The following NEDD4L variants were observed in gnomAD, a reference collection of about 807,000 sequenced individuals.
NEDD4L encodes the protein NEDD4 like E3 ubiquitin protein ligase.
Under a neutral mutation model 148.9 loss-of-function variants are expected in NEDD4L, and 54 were observed. The observed-to-expected ratio is 0.36, with a 90% CI of 0.29 to 0.45. NEDD4L has a LOEUF of 0.45. NEDD4L is among the 20% of genes least tolerant of loss of function. NEDD4L has a pLI of 1.00. For synonymous variants in NEDD4L, 433 were observed against 440.7 expected, an observed-to-expected ratio of 0.98 and a Z score of 0.22; for missense variants, 856 against 1,233.8, an observed-to-expected ratio of 0.69 and a Z score of 4.59.
intron 1 of NEDD4L, among the ~76,000 whole-genome samples, chr18:58,140,561 A>G (rs972333303): frequency 1.3e-5 from 2 of 152,224 alleles, no homozygotes; most frequent in East Asian, 3.9e-4. Flanking sequence ...TTGTCATTTT[A>G]TAAAAATGTA....
At chr18:58,063,662 T>C (rs899237233) in intron 1 of NEDD4L, among the ~76,000 whole-genome samples, 13 of 150,034 alleles carry the variant, frequency 8.7e-5, no homozygotes, top group Non-Finnish European at 1.5e-4. Context: ...ACCTGCCGGG[T>C]TCAAGTGATT....
rs749549397 is a variant in NEDD4L, at chr18:58,347,976, A to C, written c.1576-1561A>C. Among the ~76,000 whole-genome samples, 6 of 147,896 alleles carry C rather than the reference A, an allele frequency of 4.1e-5. 1 individual carries two copies. The highest frequency in any genetic ancestry group is 2.0e-4 in the Admixed American group (3 of 14,850). On this transcript the variant is annotated intron_variant, in intron 16 of 30. Coordinates refer to ENST00000400345, the MANE Select transcript of NEDD4L (RefSeq NM_001144967.3). The stretch of plus-strand genomic sequence containing the variant: ...TTGGTTGATAGTGGTTTTTTTTTTG[A>C]GTATAAAGATATGGATTCTCCTTTT...
intron 5 of NEDD4L, among the ~76,000 whole-genome samples, chr18:58,267,314 T>C (rs536765931): frequency 1.4e-4 from 22 of 152,184 alleles, no homozygotes; most frequent in Middle Eastern, 3.4e-3. Flanking sequence ...TATTTCATAT[T>C]TTAAGATCAT....
At chr18:58,189,508 G>T (rs190188058) in intron 2 of NEDD4L, among the ~76,000 whole-genome samples, 142 of 152,326 alleles carry the variant, frequency 9.3e-4, no homozygotes, top group African/African-American at 3.3e-3. Context: ...TCTCTAGGGG[G>T]CTGTCCAAGT....
intron 2 of NEDD4L, among the ~76,000 whole-genome samples, chr18:58,180,405 T>A (rs549672276): frequency 6.6e-6 from 1 of 152,318 alleles, no homozygotes; most frequent in African/African-American, 2.4e-5. Flanking sequence ...CTGATAGGCC[T>A]TCAGCGCCGC....
rs554068320 is a variant in NEDD4L, at chr18:58,301,723, C to T, written c.298-14259C>T. On this transcript the variant is annotated intron_variant, in intron 5 of 30. Transcript: ENST00000400345. ...TTCAAGCTGTTGTCTGTGAATCGTA[C>T]GGTAGAAACATGGTGCGTATTTCTG... is the stretch of plus-strand genomic sequence containing the variant. 5.3e-5 allele frequency among the ~76,000 whole-genome samples: 8 copies of T among 152,198 alleles called. No individual in the cohort carries two copies. The South Asian group carries it at 6.2e-4, about 12-fold the overall frequency.
In NEDD4L at chr18:58,252,229, A is replaced by G. The variant is rs116223276; in HGVS notation, c.297+175A>G. On this transcript the variant is annotated intron_variant, in intron 5 of 30. Transcript: ENST00000400345. ...GTTCAAAATCCTAACAAATAGTTTTATGTTGCTAGGATAAAAAATGTATTT... is the reference window on the plus strand; with the variant it reads ...GTTCAAAATCCTAACAAATAGTTTTGTGTTGCTAGGATAAAAAATGTATTT... 7.8e-3 allele frequency among the ~76,000 whole-genome samples: 1,188 copies of G among 152,300 alleles called. 20 individuals are homozygous for G. The highest frequency in any genetic ancestry group is 0.027 in the African/African-American group (1,134 of 41,562).
chr18:58,359,708 G>A (rs115375053), intron 19 of NEDD4L, among the ~76,000 whole-genome samples: 3 of 152,116 alleles, frequency 2.0e-5, no homozygotes, highest in Non-Finnish European at 4.4e-5. Context: ...GGTTCTTACT[G>A]TGTGGTCTGC....
Position 58,044,498 on chromosome 18 carries a change from C to A in NEDD4L, c.-163C>A. ...GTGCCGGCAGCGTCCAGGGCGCGCTCTCGGGCACCCTCACCTGCCGGCGCC... is the reference window on the plus strand; with the variant it reads ...GTGCCGGCAGCGTCCAGGGCGCGCTATCGGGCACCCTCACCTGCCGGCGCC... On this transcript the variant is annotated 5_prime_UTR_variant, in exon 1 of 31. Transcript: ENST00000400345. 1 of 970,290 alleles carries A rather than the reference C, an allele frequency of 1.0e-6. No individual in the cohort carries two copies. Among genetic ancestry groups the A allele is most frequent in the African/African-American group, 1.7e-5 (1 of 58,760 alleles). The allele number at this position is 970,290 out of a possible 1,614,324, so 60.1% of individuals were successfully genotyped here. A position where few individuals can be genotyped will look rare whatever the true frequency, so the allele number is the denominator to read the frequency against.
At position 58,398,772 on chromosome 18, in the gene NEDD4L, C is replaced by T. The variant is rs1189958282; in HGVS notation, c.*2503C>T. ...GTCATAGATCTTGATTTCTCTGAAT[C>T]GTGATGACCACACCCAGTCATCTTC... On this transcript the variant is annotated 3_prime_UTR_variant, in exon 31 of 31. Transcript: ENST00000400345. 2.0e-5 allele frequency: 3 copies of T among 152,236 alleles called. No homozygotes were observed. The highest frequency in any genetic ancestry group is 4.4e-5 in the Non-Finnish European group (3 of 68,042). 9.4% of individuals were successfully genotyped at this position (152,236 alleles called of 1,614,324 possible).
chr18:58,323,440 A>G (rs1488594898), intron 8 of NEDD4L, 106 bp downstream of exon 8: 1 of 656,224 alleles, frequency 1.5e-6, no homozygotes, highest in Non-Finnish European at 2.7e-6. Context: ...GCTTAAATAT[A>G]AAAAAAAGTA....
At chr18:58,116,605 A>G (rs1452179167) in intron 1 of NEDD4L, among the ~76,000 whole-genome samples, 2 of 152,262 alleles carry the variant, frequency 1.3e-5, no homozygotes, top group Non-Finnish European at 2.9e-5. Flanking sequence ...AAGGGGGTCC[A>G]GTAAGTACAG....
intron 5 of NEDD4L, chr18:58,255,985 T>G (rs892305255): frequency 1.6e-5 from 20 of 1,230,508 alleles, no homozygotes; most frequent in Non-Finnish European, 1.7e-5. Flanking sequence ...GCGCCGACGA[T>G]GGGCCTCCAT....
At chr18:58,091,494 A>G (rs1008316977) in intron 1 of NEDD4L, 1 of 152,308 alleles carries the variant, frequency 6.6e-6, no homozygotes, top group Non-Finnish European at 1.5e-5. Context: ...TGCCCAGTGC[A>G]AAGTGGCTGC....
At chr18:58,130,431 T>C (rs71355677) in intron 1 of NEDD4L, among the ~76,000 whole-genome samples, 1 of 127,504 alleles carries the variant, frequency 7.8e-6, no homozygotes, top group African/African-American at 2.9e-5. Context: ...GAACTGTGGC[T>C]GTGTTGGGCT....
At chr18:58,053,599 G>A (rs969700510) in intron 1 of NEDD4L, among the ~76,000 whole-genome samples, 4 of 152,154 alleles carry the variant, frequency 2.6e-5, no homozygotes, top group East Asian at 1.9e-4. Flanking sequence ...ATGAGCCACC[G>A]TGCCCGGCCA....
At chr18:58,181,825 C>G (rs1349823781) in intron 2 of NEDD4L, among the ~76,000 whole-genome samples, 2 of 152,150 alleles carry the variant, frequency 1.3e-5, no homozygotes, top group African/African-American at 4.8e-5. Flanking sequence ...AAAGAAATTT[C>G]CCCTTTCATA....
chr18:58,356,783 A>G (rs2145811650), intron 18 of NEDD4L, among the ~76,000 whole-genome samples: 1 of 152,354 alleles, frequency 6.6e-6, no homozygotes, highest in East Asian at 1.9e-4. Context: ...AGTATTTGAA[A>G]TGAGAAAAAA....
chr18:58,289,948 A>C (rs1034190679), intron 5 of NEDD4L, among the ~76,000 whole-genome samples: 2 of 152,262 alleles, frequency 1.3e-5, no homozygotes, highest in South Asian at 4.1e-4. Flanking sequence ...AAGTAAATTG[A>C]CTTTCAGAGA....
Sources: allele counts gnomAD v4.1 joint callset (sites outside exome capture counted in the v4.1 genomes callset), GRCh38; gene constraint gnomAD v4.1.1; transcripts MANE v1.5; gene names NCBI Gene and HGNC (gene_info 2026-07-23, HGNC 2026-07-21).